The following ADK variants were observed in gnomAD, a reference collection of about 807,000 sequenced individuals.
ADK encodes adenosine kinase.
In ADK, 24 loss-of-function variants were observed where a neutral mutation model predicts 44.7. The observed-to-expected ratio is 0.54, with a 90% CI of 0.39 to 0.76. ADK has a LOEUF of 0.76. Ranked by LOEUF, ADK falls within the 30% of genes least tolerant of loss-of-function variation. The pLI is 0.00. For synonymous variants in ADK, 128 were observed against 142.6 expected, an observed-to-expected ratio of 0.90 and a Z score of 0.73; for missense variants, 321 against 425.1, an observed-to-expected ratio of 0.76 and a Z score of 2.15.
intron 2 of ADK, among the ~76,000 whole-genome samples, chr10:74,223,745 G>A (rs1431889544): frequency 1.3e-5 from 2 of 152,118 alleles, no homozygotes; most frequent in Admixed American, 6.6e-5. Context: ...ACTTAAAGAT[G>A]TAGAGTACTT....
intron 6 of ADK, among the ~76,000 whole-genome samples, chr10:74,503,639 CAA>C (rs1270548904): frequency 2.0e-5 from 3 of 151,948 alleles, no homozygotes; most frequent in Non-Finnish European, 2.9e-5. Flanking sequence ...CATTTTGAGA[CAA>C]AGAGATAATA....
chr10:74,456,337 C>T (rs547037577), intron 6 of ADK, among the ~76,000 whole-genome samples: 1 of 152,190 alleles, frequency 6.6e-6, no homozygotes, highest in South Asian at 2.1e-4. Context: ...ATAAAAAACA[C>T]TTTCTCAGAC....
chr10:74,379,979 T>C (rs1842927997), intron 4 of ADK, among the ~76,000 whole-genome samples: 1 of 152,166 alleles, frequency 6.6e-6, no homozygotes, highest in Non-Finnish European at 1.5e-5. Flanking sequence ...GAGCTATGAT[T>C]GTACCACTGC....
At chr10:74,707,845 T>C (rs1284097585) in intron 10 of ADK, among the ~76,000 whole-genome samples, 2 of 150,930 alleles carry the variant, frequency 1.3e-5, no homozygotes, top group East Asian at 3.9e-4. Context: ...GAATAAATAT[T>C]AGGGGAAGCT....
At chr10:74,632,405 A>C (rs925154379) in intron 9 of ADK, among the ~76,000 whole-genome samples, 1 of 152,196 alleles carries the variant, frequency 6.6e-6, no homozygotes, top group South Asian at 2.1e-4. Flanking sequence ...ATTATTTCAC[A>C]GTTCTGAAGG....
At chr10:74,643,630 G>A (rs1417218255) in intron 9 of ADK, among the ~76,000 whole-genome samples, 1 of 152,066 alleles carries the variant, frequency 6.6e-6, no homozygotes, top group East Asian at 1.9e-4. Context: ...ATTTCTGCTG[G>A]TTTTAATTTC....
At chr10:74,528,138 T>G in intron 7 of ADK, 1 of 1,060,508 alleles carries the variant, frequency 9.4e-7, no homozygotes, top group South Asian at 1.4e-5. Flanking sequence ...CGAACAAACC[T>G]GAAAGTATAG....
At chr10:74,425,774 A>C (rs1322591686) in intron 6 of ADK, among the ~76,000 whole-genome samples, 1 of 152,166 alleles carries the variant, frequency 6.6e-6, no homozygotes, top group Non-Finnish European at 1.5e-5. Context: ...ACTTTGTTTT[A>C]ACCTTTTGAG....
chr10:74,347,201 G>C (rs911516035), intron 4 of ADK, among the ~76,000 whole-genome samples: 1 of 150,480 alleles, frequency 6.6e-6, no homozygotes, highest in East Asian at 2.0e-4. Flanking sequence ...CACAGAAGGT[G>C]GGTGATTTCT....
chr10:74,510,134 C>A (rs1009710676), intron 6 of ADK, among the ~76,000 whole-genome samples: 5 of 152,124 alleles, frequency 3.3e-5, no homozygotes, highest in Non-Finnish European at 7.4e-5. Flanking sequence ...AGTAGTTCTA[C>A]TTGTGGTTTT....
In ADK at chr10:74,636,161, ATAATC is replaced by A. The variant is rs1295141717; in HGVS notation, c.878-34017_878-34013del. Among the ~76,000 whole-genome samples, 9 of 152,308 alleles carry A rather than the reference ATAATC, an allele frequency of 5.9e-5. No individual in the cohort carries two copies. The South Asian group carries it at 8.3e-4, about 14-fold the overall frequency. On this transcript the variant is annotated intron_variant, in intron 9 of 10. Transcript: ENST00000539909. The stretch of plus-strand genomic sequence containing the variant: ...TTAATTACAATCTAACAAAAATAGA[ATAATC>A]TAATATAAATAGAAACTACAAAATG...
chr10:74,454,093 G>A (rs1480602752), intron 6 of ADK, among the ~76,000 whole-genome samples: 1 of 152,168 alleles, frequency 6.6e-6, no homozygotes, highest in Middle Eastern at 3.4e-3. Context: ...TTAAATAACG[G>A]CCACTAAATC....
chr10:74,630,978 A>G (rs1277430769), intron 9 of ADK, among the ~76,000 whole-genome samples: 2 of 151,914 alleles, frequency 1.3e-5, no homozygotes, highest in Admixed American at 6.6e-5. Context: ...TACTATCACT[A>G]TTTATTGTGT....
chr10:74,255,278 G>A (rs1444737874), intron 3 of ADK, among the ~76,000 whole-genome samples: 2 of 152,106 alleles, frequency 1.3e-5, no homozygotes, highest in Non-Finnish European at 2.9e-5. Flanking sequence ...AATCACCAGT[G>A]TGTCTTAGTT....
In ADK at chr10:74,186,770, A is replaced by T. The variant is rs1366667700; in HGVS notation, c.66-13994A>T. Among the ~76,000 whole-genome samples, 7 of 152,328 alleles carry T rather than the reference A, an allele frequency of 4.6e-5. No homozygotes were observed. The East Asian group carries it at 1.3e-3, about 29-fold the overall frequency. ...ACTTTTGTTCAATATAATATTTTTT[A>T]GATTCACCCATTTTGGTGTGTGTAT... On this transcript the variant is annotated intron_variant, in intron 1 of 10. Coordinates refer to ENST00000539909, the MANE Select transcript of ADK (RefSeq NM_006721.4).
chr10:74,523,541 G>A (rs1166693342), intron 6 of ADK, among the ~76,000 whole-genome samples: 1 of 150,950 alleles, frequency 6.6e-6, no homozygotes, highest in Non-Finnish European at 1.5e-5. Context: ...CTTTTGTTCT[G>A]TGTTCTCTGC....
chr10:74,300,226 G>C (rs964470204), intron 3 of ADK, among the ~76,000 whole-genome samples: 15 of 98,388 alleles, frequency 1.5e-4, no homozygotes, highest in African/African-American at 2.1e-4. Context: ...GTTGTTGTTT[G>C]TTTCTTTCTT....
intron 4 of ADK, among the ~76,000 whole-genome samples, chr10:74,374,181 G>A (rs1347727825): frequency 1.3e-5 from 2 of 152,044 alleles, no homozygotes; most frequent in Admixed American, 6.5e-5. Flanking sequence ...TTTTTGGGGG[G>A]TGTTGAAAAA....
rs542722980 is a variant in ADK, at chr10:74,580,951, C to G, written c.727-8331C>G. On this transcript the variant is annotated intron_variant, in intron 7 of 10. Coordinates refer to ENST00000539909, the MANE Select transcript of ADK (RefSeq NM_006721.4). Reference sequence around the variant, plus strand: ...TTGAGAGGTGGAAACAAGAAGATAGCTTGAGCCCAGGATTTTGAGGCCAGC... The same window carrying G: ...TTGAGAGGTGGAAACAAGAAGATAGGTTGAGCCCAGGATTTTGAGGCCAGC... Among the ~76,000 whole-genome samples the G allele has an allele frequency of 2.6e-5, 4 of 151,950 alleles. No individual in the cohort carries two copies. In the East Asian group the frequency reaches 7.7e-4, roughly 29 times the overall value.
Sources: gnomAD v4.1 joint callset for allele counts (sites outside exome capture counted in the v4.1 genomes callset) on GRCh38, gnomAD v4.1.1 for gene constraint, MANE v1.5 for transcripts, NCBI Gene and HGNC (gene_info 2026-07-23, HGNC 2026-07-21) for gene names.